Variants in KYAT1 observed in about 807,000 individuals in gnomAD.
KYAT1 encodes the protein kynurenine--oxoglutarate transaminase 1.
A neutral mutation model predicts 52.4 loss-of-function variants in KYAT1; 47 were observed. The ratio of observed to expected loss-of-function variants is 0.90; its 90% CI spans 0.71 to 1.14. KYAT1 has a LOEUF of 1.14. Ranked by LOEUF, KYAT1 falls within the 50% of genes most tolerant of loss-of-function variation. The pLI is 0.00. For synonymous variants in KYAT1, 212 were observed against 209.6 expected (o/e 1.01, Z -0.10); for missense variants, 480 against 557.9 (o/e 0.86, Z 1.41).
chr9:128,846,997 C>A (rs1588084260), intron 1 of KYAT1: 2 of 776,832 alleles, frequency 2.6e-6, no homozygotes, highest in South Asian at 2.1e-5. Flanking sequence ...GGCTCAGGTA[C>A]CTGCCCAGGG....
chr9:128,845,070 C>T (rs1227396145), intron 2 of KYAT1, among the ~76,000 whole-genome samples: 6 of 152,188 alleles, frequency 3.9e-5, no homozygotes, highest in Admixed American at 3.3e-4. Flanking sequence ...TTACTTTTTC[C>T]TCCCCAACGC....
chr9:128,865,334 TATATATATATATATATA>T (rs1564491579), intron 1 of KYAT1, among the ~76,000 whole-genome samples: 68 of 2,452 alleles, frequency 0.028, 2 homozygotes, highest in Non-Finnish European at 0.05. Context: ...TATATATATA[TATATATATATATATATA>T]TATATATATT....
At chr9:128,848,865 T>C (rs1275962867) in intron 1 of KYAT1, among the ~76,000 whole-genome samples, 1 of 149,024 alleles carries the variant, frequency 6.7e-6, no homozygotes, top group Non-Finnish European at 1.5e-5. Flanking sequence ...GTGTGGCTCA[T>C]GCCTGTAACA....
At chr9:128,833,985 C>T (rs1015863692) in intron 11 of KYAT1, among the ~76,000 whole-genome samples, 159 bp from the exon 12 acceptor site, 8 of 152,346 alleles carry the variant, frequency 5.3e-5, no homozygotes, top group East Asian at 1.9e-4. Flanking sequence ...AGGCCAGGTG[C>T]GGTGGCTCAC....
intron 1 of KYAT1, among the ~76,000 whole-genome samples, chr9:128,871,248 G>A (rs770273613): frequency 7.2e-5 from 11 of 152,270 alleles, no homozygotes; most frequent in Non-Finnish European, 1.0e-4. Flanking sequence ...AGCCCAGAAG[G>A]TTGAGGCTGC....
intron 1 of KYAT1, among the ~76,000 whole-genome samples, chr9:128,872,284 A>G (rs2130801916): frequency 6.6e-6 from 1 of 151,294 alleles, no homozygotes; most frequent in South Asian, 2.1e-4. Context: ...CTCTACTAAA[A>G]ATACAAAAAA....
intron 1 of KYAT1, among the ~76,000 whole-genome samples, chr9:128,867,975 A>G (rs1588143316): frequency 6.6e-6 from 1 of 151,970 alleles, no homozygotes; most frequent in African/African-American, 2.4e-5. Flanking sequence ...GGGTTTCACC[A>G]TGTTAGCCAG....
chr9:128,858,490 G>A (rs1434955456), intron 1 of KYAT1, among the ~76,000 whole-genome samples: 1 of 145,116 alleles, frequency 6.9e-6, no homozygotes, highest in East Asian at 2.1e-4. Context: ...CTAAGGTCAG[G>A]AGTCTGAGAC....
At chr9:128,840,981 C>T (rs1278358024) in intron 3 of KYAT1, among the ~76,000 whole-genome samples, 1 of 152,200 alleles carries the variant, frequency 6.6e-6, no homozygotes, top group Non-Finnish European at 1.5e-5. Context: ...TGTGGCATTG[C>T]TTATGATATT....
chr9:128,877,764 G>C (rs1229529896), intron 1 of KYAT1, among the ~76,000 whole-genome samples: 1 of 152,212 alleles, frequency 6.6e-6, no homozygotes, highest in South Asian at 2.1e-4. Flanking sequence ...AATTTGAGAT[G>C]AGTCAGTTCT....
intron 1 of KYAT1, among the ~76,000 whole-genome samples, chr9:128,857,002 T>C (rs1834710228): frequency 6.6e-6 from 1 of 152,264 alleles, no homozygotes; most frequent in African/African-American, 2.4e-5. Context: ...AACCTGATTA[T>C]ACATTTGTTC....
chr9:128,862,017 C>T (rs2130680868), intron 1 of KYAT1, among the ~76,000 whole-genome samples: 1 of 152,326 alleles, frequency 6.6e-6, no homozygotes, highest in Middle Eastern at 3.4e-3. Context: ...GCTTTCTGAC[C>T]ACTGAGTTAA....
upstream of KYAT1, chr9:128,881,954 C>T (rs1838999769): frequency 6.6e-6 from 1 of 152,332 alleles, no homozygotes; most frequent in South Asian, 2.1e-4. Flanking sequence ...TTGCAGCAGT[C>T]CCTGTCCCTT....
At chr9:128,843,529 C>T (rs888857222) in intron 2 of KYAT1, among the ~76,000 whole-genome samples, 2 of 152,100 alleles carry the variant, frequency 1.3e-5, no homozygotes, top group African/African-American at 4.8e-5. Flanking sequence ...CAGGCACCCG[C>T]CACCACGCCC....
chr9:128,834,714 C>T (rs1830689137), intron 11 of KYAT1, among the ~76,000 whole-genome samples: 1 of 151,032 alleles, frequency 6.6e-6, no homozygotes, highest in East Asian at 2.0e-4. Context: ...ATCCCAGTTA[C>T]CCAACTACTC....
chr9:128,846,793 GGTTTGCC>G (rs764853161), intron 1 of KYAT1: 1 of 1,535,552 alleles, frequency 6.5e-7, no homozygotes, highest in South Asian at 1.2e-5. Flanking sequence ...CGTTCCTGTG[GGTTTGCC>G]AGTCCCAGAT....
intron 1 of KYAT1, among the ~76,000 whole-genome samples, chr9:128,878,817 T>C (rs1838386488): frequency 1.3e-5 from 2 of 151,990 alleles, no homozygotes; most frequent in Admixed American, 1.3e-4. Flanking sequence ...AAAACCACAA[T>C]CTCACTCCCA....
At chr9:128,836,753 G>A (rs72758869) in intron 7 of KYAT1, 49 bp downstream of exon 7, 120,314 of 1,595,942 alleles carry the variant, frequency 0.075, 6,135 homozygotes, top group Admixed American at 0.24. Flanking sequence ...TGGGGTCAAG[G>A]CCCTCCCACC....
chr9:128,837,595 G>C (rs1831346198), intron 6 of KYAT1, 90 bp downstream of exon 6: 1 of 1,479,566 alleles, frequency 6.8e-7, no homozygotes, highest in Non-Finnish European at 9.3e-7. Context: ...CACAAACGAA[G>C]AAACGGAGGC....
Sources: allele counts gnomAD v4.1 joint callset (sites outside exome capture counted in the v4.1 genomes callset), GRCh38; gene constraint gnomAD v4.1.1; transcripts MANE v1.5; gene names NCBI Gene and HGNC (gene_info 2026-07-23, HGNC 2026-07-21).